The following FHOD3 variants were observed in gnomAD, a reference collection of about 807,000 sequenced individuals.
The protein encoded by FHOD3 is FH1/FH2 domain-containing protein 3.
A neutral mutation model predicts 173.0 loss-of-function variants in FHOD3; 90 were observed. That is an observed-to-expected ratio of 0.52 (90% CI 0.44 to 0.62). The LOEUF (loss-of-function observed/expected upper bound fraction) is 0.62. Among genes scored for constraint, FHOD3 ranks in the 20% least tolerant of loss-of-function variants. The pLI, the probability that FHOD3 is intolerant of heterozygous loss-of-function variation, is 0.00. For synonymous variants in FHOD3, 828 were observed against 823.0 expected (o/e 1.01, Z -0.10); for missense variants, 1,945 against 2,034.7 (o/e 0.96, Z 0.85).
chr18:36,519,548 T>C (rs1453574297), intron 5 of FHOD3, among the ~76,000 whole-genome samples: 2 of 152,204 alleles, frequency 1.3e-5, no homozygotes, highest in East Asian at 3.9e-4. Flanking sequence ...TGAGTCATCA[T>C]TGCTGTGGTC....
chr18:36,727,286 T>C (rs1290029904), intron 19 of FHOD3, among the ~76,000 whole-genome samples: 1 of 152,098 alleles, frequency 6.6e-6, no homozygotes, highest in African/African-American at 2.4e-5. Context: ...TAGACATGGA[T>C]ATAGGCACAG....
At chr18:36,612,827 C>T (rs2032827294) in intron 9 of FHOD3, among the ~76,000 whole-genome samples, 1 of 152,172 alleles carries the variant, frequency 6.6e-6, no homozygotes, top group South Asian at 2.1e-4. Context: ...CTTACCAAAA[C>T]AGCAGAAACA....
intron 3 of FHOD3, among the ~76,000 whole-genome samples, chr18:36,473,105 G>A (rs1327720149): frequency 6.6e-6 from 1 of 152,172 alleles, no homozygotes; most frequent in African/African-American, 2.4e-5. Context: ...TGGTCCTTGG[G>A]CCAGCACCAC....
chr18:36,744,313 C>T lies in FHOD3; in HGVS notation c.4041+120C>T, dbSNP rs1275802632. 15 of 964,142 alleles carry T rather than the reference C, an allele frequency of 1.6e-5. No homozygotes were observed. In the East Asian group the frequency reaches 3.8e-4, roughly 24 times the overall value. The allele number at this position is 964,142 out of a possible 1,614,324, so 59.7% of individuals were successfully genotyped here. On this transcript the variant is annotated intron_variant, in intron 23 of 28. Transcript: ENST00000590592. ...AATGCCCAAGTGCTGCCTGCATTCT[C>T]TGCTCTGGAGTTTATGAATATGATT... is the stretch of plus-strand genomic sequence containing the variant.
chr18:36,593,615 A>G (rs182691303), intron 6 of FHOD3, among the ~76,000 whole-genome samples: 1 of 152,260 alleles, frequency 6.6e-6, no homozygotes, highest in African/African-American at 2.4e-5. Flanking sequence ...GAGGCACAGA[A>G]TCTTCCTTGG....
chr18:36,612,781 A>G (rs2032819923), intron 9 of FHOD3, among the ~76,000 whole-genome samples: 1 of 152,254 alleles, frequency 6.6e-6, no homozygotes, highest in South Asian at 2.1e-4. Flanking sequence ...TACCTAAATC[A>G]TATTTTGTAG....
chr18:36,769,517 C>T (rs2043283065), intron 28 of FHOD3, 91 bp downstream of exon 28: 1 of 1,468,288 alleles, frequency 6.8e-7, no homozygotes, highest in Non-Finnish European at 9.1e-7. Context: ...GACACAGCTC[C>T]AGTGAATTGT....
At chr18:36,485,056 G>T (rs1400006427) in intron 3 of FHOD3, among the ~76,000 whole-genome samples, 1 of 152,184 alleles carries the variant, frequency 6.6e-6, no homozygotes, top group Non-Finnish European at 1.5e-5. Flanking sequence ...AAGGAGTTGG[G>T]GTGTGGGGGC....
intron 5 of FHOD3, among the ~76,000 whole-genome samples, chr18:36,522,715 T>A (rs1244030157): frequency 2.0e-5 from 3 of 152,170 alleles, no homozygotes; most frequent in East Asian, 1.9e-4. Context: ...ATTGAATGAA[T>A]GCCTGGGAGA....
chr18:36,552,835 G>A (rs1271623024), intron 5 of FHOD3, among the ~76,000 whole-genome samples: 2 of 152,084 alleles, frequency 1.3e-5, no homozygotes, highest in African/African-American at 2.4e-5. Flanking sequence ...GATTGCCCTG[G>A]CCAGAACTTC....
At chr18:36,312,912 AGGGTCT>A (rs1208930200) in intron 1 of FHOD3, among the ~76,000 whole-genome samples, 1 of 152,168 alleles carries the variant, frequency 6.6e-6, no homozygotes, top group Non-Finnish European at 1.5e-5. Flanking sequence ...GTTCTGGCTC[AGGGTCT>A]GTCATGAGGG....
At chr18:36,687,026 C>A in intron 15 of FHOD3, 102 bp from the exon 16 acceptor site, 1 of 780,780 alleles carries the variant, frequency 1.3e-6, no homozygotes, top group Non-Finnish European at 2.0e-6. Context: ...GAGGCAGTGC[C>A]AGTCTTTCAT....
chr18:36,529,856 C>T (rs1738382226), intron 5 of FHOD3, among the ~76,000 whole-genome samples: 1 of 152,080 alleles, frequency 6.6e-6, no homozygotes, highest in African/African-American at 2.4e-5. Context: ...GAAAAGGCCA[C>T]TTAATTTGGA....
chr18:36,649,188 T>C, intron 10 of FHOD3, 128 bp from the exon 11 acceptor site: 1 of 629,726 alleles, frequency 1.6e-6, no homozygotes, highest in East Asian at 2.9e-5. Flanking sequence ...GGTTTTTTTT[T>C]TTTAATTATT....
chr18:36,689,163 C>G (rs2038808929), intron 16 of FHOD3, among the ~76,000 whole-genome samples: 1 of 152,156 alleles, frequency 6.6e-6, no homozygotes, highest in Non-Finnish European at 1.5e-5. Flanking sequence ...GACTTTCATC[C>G]CTGTTTCAAA....
At chr18:36,326,745 T>C (rs540632113) in intron 1 of FHOD3, among the ~76,000 whole-genome samples, 1 of 152,342 alleles carries the variant, frequency 6.6e-6, no homozygotes, top group South Asian at 2.1e-4. Flanking sequence ...GGTGAGACCT[T>C]GTCTCTTTTA....
intron 1 of FHOD3, among the ~76,000 whole-genome samples, chr18:36,345,971 T>C (rs912849146): frequency 1.3e-5 from 2 of 152,204 alleles, no homozygotes; most frequent in Admixed American, 6.5e-5. Context: ...GGCATGCCAA[T>C]GCACCTGTGG....
At chr18:36,653,537 A>G (rs944955203) in intron 13 of FHOD3, 121 bp downstream of exon 13, 1 of 733,654 alleles carries the variant, frequency 1.4e-6, no homozygotes, top group African/African-American at 1.8e-5. Context: ...TTACAGTTTG[A>G]ACCACTTCAT....
intron 3 of FHOD3, among the ~76,000 whole-genome samples, chr18:36,461,198 A>T (rs2052530054): frequency 6.6e-6 from 1 of 152,102 alleles, no homozygotes; most frequent in Non-Finnish European, 1.5e-5. Context: ...TTCCATTGCT[A>T]TCAGCCACTG....
Sources: gnomAD v4.1 joint callset for allele counts (sites outside exome capture counted in the v4.1 genomes callset) on GRCh38, gnomAD v4.1.1 for gene constraint, MANE v1.5 for transcripts, NCBI Gene and HGNC (gene_info 2026-07-23, HGNC 2026-07-21) for gene names.